CAMK1D: variants seen among roughly 807,000 people sequenced by gnomAD.
The protein encoded by CAMK1D is calcium/calmodulin dependent protein kinase ID, also known as calcium/calmodulin-dependent protein kinase type 1D.
Under a neutral mutation model 47.7 loss-of-function variants are expected in CAMK1D, and 9 were observed. The ratio of observed to expected loss-of-function variants is 0.19; its 90% confidence interval spans 0.11 to 0.33. The LOEUF (loss-of-function observed/expected upper bound fraction) is 0.33, where lower values mean the gene tolerates loss of function less well. CAMK1D is among the 10% of genes least tolerant of loss of function. CAMK1D has a pLI of 1.00. For synonymous variants in CAMK1D, 184 were observed against 184.9 expected (o/e 0.99, Z 0.04); for missense variants, 291 against 488.7 (o/e 0.60, Z 3.81).
chr10:12,676,717 T>C (rs1429131547), intron 3 of CAMK1D, among the ~76,000 whole-genome samples: 1 of 152,114 alleles, frequency 6.6e-6, no homozygotes, highest in Non-Finnish European at 1.5e-5. Context: ...ACTGATAGCA[T>C]TTTCTAGGAA....
At chr10:12,370,480 G>A (rs565492913) in intron 1 of CAMK1D, among the ~76,000 whole-genome samples, 9 of 152,252 alleles carry the variant, frequency 5.9e-5, no homozygotes, top group East Asian at 1.9e-4. Context: ...CGTTGTTATC[G>A]TAGGAGATGA....
At chr10:12,454,055 C>T (rs1424323757) in intron 1 of CAMK1D, among the ~76,000 whole-genome samples, 2 of 152,174 alleles carry the variant, frequency 1.3e-5, no homozygotes, top group African/African-American at 4.8e-5. Flanking sequence ...AGGTGTTTAT[C>T]GGTCCAGTTT....
At chr10:12,528,497 G>A (rs190068413) in intron 1 of CAMK1D, among the ~76,000 whole-genome samples, 1 of 152,320 alleles carries the variant, frequency 6.6e-6, no homozygotes, top group East Asian at 1.9e-4. Flanking sequence ...GATTGCTGCT[G>A]TCTTTTCTGG....
intron 1 of CAMK1D, among the ~76,000 whole-genome samples, chr10:12,386,939 C>T (rs538529217): frequency 1.3e-5 from 2 of 152,116 alleles, no homozygotes; most frequent in Non-Finnish European, 2.9e-5. Flanking sequence ...CAGTAGCTCA[C>T]GCCTGTAATC....
At chr10:12,807,071 T>C (rs144395163) in intron 6 of CAMK1D, among the ~76,000 whole-genome samples, 26 of 152,318 alleles carry the variant, frequency 1.7e-4, no homozygotes, top group African/African-American at 6.0e-4. Flanking sequence ...TTTTCATGCA[T>C]GTGCTGATGG....
At chr10:12,365,673 C>T (rs1004958722) in intron 1 of CAMK1D, among the ~76,000 whole-genome samples, 4 of 151,900 alleles carry the variant, frequency 2.6e-5, no homozygotes, top group South Asian at 4.2e-4. Context: ...CTGCTGACCT[C>T]GTGATCTGCC....
intron 1 of CAMK1D, among the ~76,000 whole-genome samples, chr10:12,463,707 C>T (rs933726454): frequency 1.3e-5 from 2 of 151,722 alleles, no homozygotes; most frequent in Non-Finnish European, 2.9e-5. Flanking sequence ...TGTATCGCCC[C>T]CTGATATGGT....
chr10:12,749,461 AAAAG>A (rs1257300414), intron 3 of CAMK1D, among the ~76,000 whole-genome samples: 2 of 150,516 alleles, frequency 1.3e-5, no homozygotes, highest in Admixed American at 6.6e-5. Context: ...AAAAAAAAAA[AAAAG>A]AAATCCATTG....
chr10:12,553,956 C>G (rs191472276), intron 2 of CAMK1D, among the ~76,000 whole-genome samples: 1 of 152,344 alleles, frequency 6.6e-6, no homozygotes, highest in East Asian at 1.9e-4. Flanking sequence ...TCCACACGTT[C>G]CGATGGTTTC....
chr10:12,571,137 C>T (rs568384185), intron 2 of CAMK1D, among the ~76,000 whole-genome samples: 146 of 152,098 alleles, frequency 9.6e-4, no homozygotes, highest in Non-Finnish European at 1.6e-3. Flanking sequence ...AGCAGTATCT[C>T]CTGGGAGTGG....
rs71386105 is a variant in CAMK1D, at chr10:12,611,588, C to CTTTTTTTTTTT, written c.225-55137_225-55127dup. Among the ~76,000 whole-genome samples, 39 of 59,906 alleles carry CTTTTTTTTTTT rather than the reference C, an allele frequency of 6.5e-4. 9 individuals are homozygous for CTTTTTTTTTTT. Among genetic ancestry groups the CTTTTTTTTTTT allele is most frequent in the Admixed American group, 1.0e-3 (3 of 3,014 alleles). The allele number at this position is 59,906 out of a possible 152,430, so 39.3% of individuals were successfully genotyped here. On this transcript the variant is annotated intron_variant, in intron 2 of 10. Transcript: ENST00000619168. ...CAGTTCCCTGAATGTTTCAGAATGC[C>CTTTTTTTTTTT]TTTTTTTTTTTTTTTTTTTTTGAGA...
chr10:12,558,015 A>G (rs1266329353), intron 2 of CAMK1D, among the ~76,000 whole-genome samples: 1 of 152,238 alleles, frequency 6.6e-6, no homozygotes, highest in Admixed American at 6.5e-5. Context: ...AAACATTCTG[A>G]TAAACATGGA....
intron 5 of CAMK1D, among the ~76,000 whole-genome samples, chr10:12,773,855 C>T (rs547634540): frequency 3.9e-5 from 6 of 152,166 alleles, no homozygotes; most frequent in South Asian, 4.1e-4. Flanking sequence ...GCTGAGATTG[C>T]GCCACTGCAC....
chr10:12,744,942 A>T lies in CAMK1D; in HGVS notation c.300-16006A>T, dbSNP rs147914025. Among the ~76,000 whole-genome samples, 405 of 152,318 alleles carry T rather than the reference A, an allele frequency of 2.7e-3. 5 individuals are homozygous for T. The East Asian group carries it at 0.039, about 15-fold the overall frequency. On this transcript the variant is annotated intron_variant, in intron 3 of 10. Transcript: ENST00000619168. Reference sequence around the variant, plus strand: ...AGTCAGATTCTTGCTTGAGGCTCTCAGTTCTGTGCCCACGAAACTTCATTC... The same window carrying T: ...AGTCAGATTCTTGCTTGAGGCTCTCTGTTCTGTGCCCACGAAACTTCATTC...
At chr10:12,644,516 CTCT>C (rs537100379) in intron 2 of CAMK1D, among the ~76,000 whole-genome samples, 164 of 152,264 alleles carry the variant, frequency 1.1e-3, no homozygotes, top group Middle Eastern at 3.4e-3. Flanking sequence ...CAGAGGTTGG[CTCT>C]TCTTAGTTTT....
rs1428193681 is a variant in CAMK1D at position 12,694,364 on chromosome 10, T to G, written c.299+27554T>G. The stretch of plus-strand genomic sequence containing the variant: ...ATATATAACATATATATGTTATATG[T>G]TATATATAAAATATAAAATATATAT... On this transcript the variant is annotated intron_variant, in intron 3 of 10. Coordinates refer to ENST00000619168, the MANE Select transcript of CAMK1D (RefSeq NM_153498.4). Among the ~76,000 whole-genome samples the G allele has an allele frequency of 5.2e-4, 39 of 75,388 alleles. 2 individuals carry two copies. The highest frequency in any genetic ancestry group is 2.0e-3 in the African/African-American group (38 of 19,244). The allele number at this position is 75,388 out of a possible 152,430, so 49.5% of individuals were successfully genotyped here.
chr10:12,743,346 C>CAAAAAAAAAAAA (rs199673328), intron 3 of CAMK1D, among the ~76,000 whole-genome samples: 5 of 92,358 alleles, frequency 5.4e-5, no homozygotes, highest in African/African-American at 2.7e-4. Flanking sequence ...GACCCTGTCT[C>CAAAAAAAAAAAA]AAAAAAAAAA....
intron 1 of CAMK1D, among the ~76,000 whole-genome samples, chr10:12,537,638 C>T (rs537187961): frequency 8.5e-5 from 13 of 152,250 alleles, no homozygotes; most frequent in African/African-American, 2.6e-4. Context: ...TCTGCAGGCC[C>T]GGACTGTCTC....
intron 2 of CAMK1D, among the ~76,000 whole-genome samples, chr10:12,574,807 A>G (rs931589587): frequency 2.0e-5 from 3 of 152,170 alleles, no homozygotes; most frequent in African/African-American, 7.2e-5. Flanking sequence ...GCTTCCAATC[A>G]TGGCAGAAGG....
Sources: gnomAD v4.1 joint callset for allele counts (sites outside exome capture counted in the v4.1 genomes callset) on GRCh38, gnomAD v4.1.1 for gene constraint, MANE v1.5 for transcripts, NCBI Gene and HGNC (gene_info 2026-07-23, HGNC 2026-07-21) for gene names.